The following RB1 variants were observed in gnomAD, a reference collection of about 807,000 sequenced individuals.
The protein encoded by RB1 is retinoblastoma-associated protein.
A neutral mutation model predicts 135.4 loss-of-function variants in RB1; 18 were observed. That is an observed-to-expected ratio of 0.13 (90% CI 0.09 to 0.20). The LOEUF is 0.20. RB1 is among the 10% of genes least tolerant of loss of function. The pLI is 1.00. For synonymous variants in RB1, 365 were observed against 373.2 expected (o/e 0.98, Z 0.25); for missense variants, 868 against 1,110.0 (o/e 0.78, Z 3.10).
chr13:48,385,276 C>T (rs913855645), intron 17 of RB1, among the ~76,000 whole-genome samples: 13 of 152,102 alleles, frequency 8.5e-5, no homozygotes, highest in African/African-American at 3.1e-4. Flanking sequence ...TAAAAAACCT[C>T]CTGTGGAGGA....
intron 23 of RB1, among the ~76,000 whole-genome samples, chr13:48,465,981 A>G (rs1453077454): frequency 1.4e-5 from 2 of 142,736 alleles, no homozygotes; most frequent in African/African-American, 2.5e-5. Context: ...AGGCTGGGGG[A>G]GGGGCGCCTG....
chr13:48,322,919 A>T (rs1309172939), intron 2 of RB1, among the ~76,000 whole-genome samples: 2 of 148,312 alleles, frequency 1.3e-5, no homozygotes, highest in Non-Finnish European at 3.0e-5. Flanking sequence ...TGGTTTGCTA[A>T]TTTTTTTTTT....
intron 17 of RB1, among the ~76,000 whole-genome samples, chr13:48,414,342 CAAAA>C (rs199626771): frequency 2.1e-5 from 2 of 93,116 alleles, no homozygotes; most frequent in Admixed American, 1.2e-4. Flanking sequence ...GAGACTATCT[CAAAA>C]AAAAAAAAAA....
At chr13:48,365,583 T>A (rs1306675959) in intron 9 of RB1, among the ~76,000 whole-genome samples, 1 of 152,150 alleles carries the variant, frequency 6.6e-6, no homozygotes. Flanking sequence ...GAGAAAAGGA[T>A]GCTGTGATAG....
intron 2 of RB1, among the ~76,000 whole-genome samples, chr13:48,338,220 T>C (rs369119750): frequency 6.6e-6 from 1 of 152,218 alleles, no homozygotes; most frequent in African/African-American, 2.4e-5. Context: ...ATTTGAATGT[T>C]GGCCTGCCTT....
intron 17 of RB1, among the ~76,000 whole-genome samples, chr13:48,395,748 A>G (rs1055177939): frequency 6.6e-6 from 1 of 152,196 alleles, no homozygotes; most frequent in Non-Finnish European, 1.5e-5. Flanking sequence ...GACCAAACCT[A>G]TGTTTGATTG....
At chr13:48,454,935 G>C (rs1949350964) in intron 18 of RB1, among the ~76,000 whole-genome samples, 1 of 152,130 alleles carries the variant, frequency 6.6e-6, no homozygotes, top group African/African-American at 2.4e-5. Flanking sequence ...AGCTGGGGTA[G>C]ATCTTGTAGA....
At chr13:48,431,642 A>G (rs545759950) in intron 17 of RB1, among the ~76,000 whole-genome samples, 48 of 152,298 alleles carry the variant, frequency 3.2e-4, no homozygotes, top group African/African-American at 1.1e-3. Flanking sequence ...TTTCCTGTCT[A>G]TACTAGAAGA....
chr13:48,328,134 A>G, intron 2 of RB1: 6 of 1,175,970 alleles, frequency 5.1e-6, no homozygotes, highest in South Asian at 2.4e-5. Context: ...CCACTCCCAT[A>G]GCTTCTGGTT....
intron 2 of RB1, chr13:48,341,320 A>G (rs1455960585): frequency 6.7e-6 from 1 of 148,600 alleles, no homozygotes. Context: ...TTTTCCATGC[A>G]CTTCTTTTTT....
At chr13:48,385,928 G>A (rs1318983369) in intron 17 of RB1, among the ~76,000 whole-genome samples, 1 of 151,764 alleles carries the variant, frequency 6.6e-6, no homozygotes, top group East Asian at 1.9e-4. Flanking sequence ...GGAGCTTTAG[G>A]CCAGGTGTGT....
chr13:48,397,629 A>C (rs1356958294), intron 17 of RB1, among the ~76,000 whole-genome samples: 1 of 152,178 alleles, frequency 6.6e-6, no homozygotes, highest in East Asian at 1.9e-4. Flanking sequence ...GTATCCTAGA[A>C]CTTAAAGTAT....
At chr13:48,321,274 A>C (rs958466886) in intron 2 of RB1, among the ~76,000 whole-genome samples, 1 of 151,616 alleles carries the variant, frequency 6.6e-6, no homozygotes, top group Non-Finnish European at 1.5e-5. Flanking sequence ...TTCCACATAT[A>C]AATGAGGCAA....
At chr13:48,324,548 G>A (rs198601) in intron 2 of RB1, among the ~76,000 whole-genome samples, 142,292 of 152,146 alleles carry the variant, frequency 0.94, 66,945 homozygotes, top group East Asian at 1. Context: ...ATTTCATTCT[G>A]TTTTATGGCT....
intron 17 of RB1, among the ~76,000 whole-genome samples, chr13:48,406,931 C>T (rs965267685): frequency 1.2e-4 from 19 of 152,154 alleles, no homozygotes; most frequent in African/African-American, 3.6e-4. Context: ...CTTACCCTGG[C>T]GCTACATTAA....
rs529516608 is a variant in RB1 at position 48,375,809 on chromosome 13, C to T, written c.1216-1109C>T. Among the ~76,000 whole-genome samples, 15 of 151,958 alleles carry T rather than the reference C, an allele frequency of 9.9e-5. No individual in the cohort carries two copies. The South Asian group carries it at 3.1e-3, about 32-fold the overall frequency. On this transcript the variant is annotated intron_variant, in intron 12 of 26. Transcript: ENST00000267163. ...TCCCAGGCTGGTCTCAAACTCCAGA[C>T]CTCAGGTGATCTGCTCACTTCAGTT...
At chr13:48,381,947 T>G (rs1400688119) in intron 17 of RB1, among the ~76,000 whole-genome samples, 1 of 152,168 alleles carries the variant, frequency 6.6e-6, no homozygotes. Context: ...CATGCAGTGT[T>G]TGGTTTTCTG....
chr13:48,367,666 AT>A (rs1217928081), intron 10 of RB1, 63 bp downstream of exon 10: 3 of 1,550,106 alleles, frequency 1.9e-6, no homozygotes, highest in African/African-American at 2.7e-5. Flanking sequence ...ATATAGGTAG[AT>A]TATATAGTCT....
In RB1 at chr13:48,459,038, TG is replaced by T. The variant is rs4151592; in HGVS notation, c.1961-648del. On this transcript the variant is annotated intron_variant, in intron 19 of 26. Coordinates refer to ENST00000267163, the MANE Select transcript of RB1 (RefSeq NM_000321.3). Reference sequence around the variant, plus strand: ...TAATATTGATAGTGGGAATGACCAGTGGTGAGTGATTATTAATAGAATTGAA... The same window carrying T: ...TAATATTGATAGTGGGAATGACCAGTGTGAGTGATTATTAATAGAATTGAA... Among the ~76,000 whole-genome samples, 958 of 152,280 alleles carry T rather than the reference TG, an allele frequency of 6.3e-3. 12 individuals carry two copies. Among genetic ancestry groups the T allele is most frequent in the African/African-American group, 0.022 (911 of 41,558 alleles).
Sources: gnomAD v4.1 joint callset for allele counts (sites outside exome capture counted in the v4.1 genomes callset) on GRCh38, gnomAD v4.1.1 for gene constraint, MANE v1.5 for transcripts, NCBI Gene and HGNC (gene_info 2026-07-23, HGNC 2026-07-21) for gene names.